Variants in FAAP100 observed in about 807,000 individuals in gnomAD.
The protein encoded by FAAP100 is Fanconi anemia core complex-associated protein 100.
FAAP100 carries 46 observed loss-of-function variants against 65.8 expected under a neutral mutation model. The observed-to-expected ratio is 0.70, with a 90% CI of 0.55 to 0.89. The LOEUF (loss-of-function observed/expected upper bound fraction) is 0.89. Among genes scored for constraint, FAAP100 ranks in the 40% least tolerant of loss-of-function variants. FAAP100 has a pLI of 0.00. For missense variants in FAAP100, 1,165 were observed against 1,196.7 expected (o/e 0.97, Z 0.39); for synonymous variants, 663 against 555.1 (o/e 1.19, Z -2.73).
chr17:81,544,458 T>G (rs1351557053), intron 6 of FAAP100, among the ~76,000 whole-genome samples: 1 of 152,310 alleles, frequency 6.6e-6, no homozygotes, highest in African/African-American at 2.4e-5. Context: ...ACACACCTTG[T>G]GGACAACCTA....
chr17:81,541,027 C>G, intron 8 of FAAP100, 77 bp from the exon 9 acceptor site: 8 of 1,451,618 alleles, frequency 5.5e-6, no homozygotes, highest in South Asian at 1.4e-5. Flanking sequence ...GGGGACCCAC[C>G]ACTCGCAGGA....
chr17:81,550,982 C>T lies in FAAP100; in HGVS notation c.512G>A (p.Gly171Asp). 1 of 1,611,928 alleles carries T rather than the reference C, an allele frequency of 6.2e-7. No homozygotes were observed. Among genetic ancestry groups the T allele is most frequent in the Non-Finnish European group, 8.5e-7 (1 of 1,179,504 alleles). The change falls in exon 3 of 9, where the codon GGT becomes GAT. Residue 171 changes from glycine (G) to aspartate (D), a missense_variant. Gly to Asp is a moderately conservative substitution (Grantham distance 94, BLOSUM62 -1). Coordinates refer to ENST00000327787, the MANE Select transcript of FAAP100 (RefSeq NM_025161.6). ...GEDPRPGGQI[G>D]EVELSSYTPP... Reference sequence around the variant, plus strand: ...CGTGTAGGAGGACAGCTCCACCTCACCGATCTGGCCTCCTGGCCGGGGGTC... The same window carrying T: ...CGTGTAGGAGGACAGCTCCACCTCATCGATCTGGCCTCCTGGCCGGGGGTC...
In FAAP100 at chr17:81,547,127, C is replaced by A; in HGVS notation, c.1955G>T (p.Cys652Phe). The A allele has an allele frequency of 6.5e-7, 1 of 1,530,194 alleles. No homozygotes were observed. Among genetic ancestry groups the A allele is most frequent in the Middle Eastern group, 1.8e-4 (1 of 5,644 alleles). The allele number at this position is 1,530,194 out of a possible 1,614,324, so 94.8% of individuals were successfully genotyped here. ...CGGGGCCAGGCCAGGGAAGCGCAGA[C>A]ACTGCAGCATGTCCACTGTGTGCCT... Reference protein sequence around the residue: ...LSRHTVDMLQCLRFPGLAPPH... With the variant: ...LSRHTVDMLQFLRFPGLAPPH... The change falls in exon 5 of 9, where the codon TGT becomes TTT. Residue 652 changes from cysteine (C) to phenylalanine (F), a missense_variant. Transcript: ENST00000327787.
rs2033040100 is a variant in FAAP100, at chr17:81,540,379, C to G, written c.*440G>C. ...CCACCCAGAGGGGCAGCCGGTGCTC[C>G]TGGTGGTGTGGCAGCAACAGTTACA... On this transcript the variant is annotated 3_prime_UTR_variant, in exon 9 of 9. Transcript: ENST00000327787. 5.0e-6 allele frequency: 2 copies of G among 401,716 alleles called. No homozygotes were observed. Among genetic ancestry groups the G allele is most frequent in the African/African-American group, 4.1e-5 (2 of 48,602 alleles). The allele number at this position is 401,716 out of a possible 1,614,324, so 24.9% of individuals were successfully genotyped here. A position where few individuals can be genotyped will look rare whatever the true frequency, so the allele number is the denominator to read the frequency against.
chr17:81,544,090 G>C lies in FAAP100; in HGVS notation c.2341C>G (p.Pro781Ala). The change falls in exon 7 of 9, where the codon CCC (proline) becomes GCC (alanine). Residue 781 changes from proline (P) to alanine (A), a missense_variant. By Grantham distance (27) the Pro-to-Ala change is conservative. Transcript: ENST00000327787. ...ACTTGAATCTCCACGGCCTGGATGG[G>C]CCCTGCTGGGCACAGGTCAGTCATG... is the stretch of plus-strand genomic sequence containing the variant. ...VAMTDLCPAG[P>A]IQAVEIQVES... 6.2e-7 allele frequency: 1 copy of C among 1,612,572 alleles called. No individual in the cohort carries two copies. The highest frequency in any genetic ancestry group is 1.1e-5 in the South Asian group (1 of 91,076).
upstream of FAAP100, chr17:81,552,492 C>G (rs2033536221): frequency 3.3e-6 from 2 of 602,104 alleles, no homozygotes; most frequent in South Asian, 7.9e-5. Flanking sequence ...ACTCCGGGAG[C>G]TGGGGCGGTC....
Position 81,541,411 on chromosome 17 carries a change from G to A in FAAP100, c.2428-16C>T, listed in dbSNP as rs771323163. The A allele has an allele frequency of 6.3e-7, 1 of 1,586,294 alleles. No individual in the cohort carries two copies. The highest frequency in any genetic ancestry group is 2.2e-5 in the East Asian group (1 of 44,686). ...TCACCATCGTCTGGGGGACACAGGA[G>A]ACATGCTGGAGAGGGTGTGCCCCAG... On this transcript the variant is annotated splice_polypyrimidine_tract_variant and intron_variant, in intron 7 of 8. Transcript: ENST00000327787.
intron 7 of FAAP100, among the ~76,000 whole-genome samples, chr17:81,541,881 A>G (rs2033107392): frequency 6.6e-6 from 1 of 152,120 alleles, no homozygotes; most frequent in African/African-American, 2.4e-5. Context: ...CTAAATTCCC[A>G]GATGGGACCA....
rs536487526 is a variant in FAAP100 at position 81,540,082 on chromosome 17, G to T, written c.*737C>A. Reference sequence around the variant, plus strand: ...GGGCTGGGGCTCAGGGCCCCCCCCCGGGCCACAGCGCCACCCTGAGTGGCC... The same window carrying T: ...GGGCTGGGGCTCAGGGCCCCCCCCCTGGCCACAGCGCCACCCTGAGTGGCC... On this transcript the variant is annotated 3_prime_UTR_variant, in exon 9 of 9. Transcript: ENST00000327787. 1.3e-4 allele frequency: 8 copies of T among 62,524 alleles called. No individual in the cohort carries two copies. The highest frequency in any genetic ancestry group is 3.1e-4 in the African/African-American group (4 of 12,918). 3.9% of individuals were successfully genotyped at this position (62,524 alleles called of 1,614,324 possible). A position where few individuals can be genotyped will look rare whatever the true frequency, so the allele number is the denominator to read the frequency against.
intron 7 of FAAP100, among the ~76,000 whole-genome samples, chr17:81,543,148 C>A (rs1229726107): frequency 6.6e-6 from 1 of 152,214 alleles, no homozygotes; most frequent in Non-Finnish European, 1.5e-5. Flanking sequence ...TCTGAGCCAC[C>A]TGCCAGGGCT....
chr17:81,545,618 C>G (rs1400535612), intron 6 of FAAP100, 128 bp downstream of exon 6: 1 of 1,297,998 alleles, frequency 7.7e-7, no homozygotes, highest in African/African-American at 1.5e-5. Flanking sequence ...TATCAGAGTC[C>G]TCCGGGAAGC....
In FAAP100 at chr17:81,551,999, G is replaced by C. The variant is rs1229409816; in HGVS notation, c.219C>G (p.Arg73=). The C allele has an allele frequency of 6.4e-7, 1 of 1,565,608 alleles. No individual in the cohort carries two copies. Among genetic ancestry groups the C allele is most frequent in the African/African-American group, 1.4e-5 (1 of 71,830 alleles). Residue 73 remains arginine, a synonymous_variant, in exon 2 of 9, where the codon CGC becomes CGG. Coordinates refer to ENST00000327787, the MANE Select transcript of FAAP100 (RefSeq NM_025161.6). ...GGGCGCACAGCGCGTACAGCAACCTGCGCGGCGCCAGCAGCTCCAGGTGCC... is the reference window on the plus strand; with the variant it reads ...GGGCGCACAGCGCGTACAGCAACCTCCGCGGCGCCAGCAGCTCCAGGTGCC... ...QVWHLELLAP[R]RLLYALCARR... is the part of the protein sequence containing the mutation.
At chr17:81,543,617 G>A (rs916975601) in intron 7 of FAAP100, among the ~76,000 whole-genome samples, 3 of 152,106 alleles carry the variant, frequency 2.0e-5, no homozygotes, top group Non-Finnish European at 2.9e-5. Context: ...CTACCACCTC[G>A]TTCTAGGATC....
At chr17:81,548,297 G>A (rs911916184) in intron 4 of FAAP100, 2 of 436,022 alleles carry the variant, frequency 4.6e-6, no homozygotes, top group African/African-American at 3.9e-5. Context: ...AGAGCAGGGA[G>A]GGTGAGGACT....
chr17:81,547,086 G>A lies in FAAP100; in HGVS notation c.1996C>T (p.Pro666Ser), dbSNP rs80199228. Residue 666 changes from proline to serine, a missense_variant, in exon 5 of 9, where the codon CCC becomes TCC. By Grantham distance (74) the Pro-to-Ser change is moderately conservative. Coordinates refer to ENST00000327787, the MANE Select transcript of FAAP100 (RefSeq NM_025161.6). ...PGLAPPHTRA[P>S]SPLGPTRDPV... ...TCTCGGGTGGGGCCGAGTGGGGAGG[G>A]GGCCCGTGTGTGTGGCGGGGCCAGG... The A allele has an allele frequency of 2.6e-6, 4 of 1,533,844 alleles. No individual in the cohort carries two copies. In the African/African-American group the frequency reaches 4.2e-5, roughly 16 times the overall value.
intron 6 of FAAP100, among the ~76,000 whole-genome samples, chr17:81,544,691 A>T (rs1024939960): frequency 1.3e-5 from 2 of 152,230 alleles, no homozygotes; most frequent in African/African-American, 4.8e-5. Flanking sequence ...CTTATTCTGC[A>T]CACACAGCAC....
intron 6 of FAAP100, among the ~76,000 whole-genome samples, 180 bp downstream of exon 6, chr17:81,545,566 C>A (rs938178478): frequency 2.0e-5 from 3 of 152,202 alleles, no homozygotes; most frequent in African/African-American, 7.2e-5. Context: ...CAAGGCCCTC[C>A]CTGCCTGAGT....
At chr17:81,548,256 CGGGA>C (rs1321773310) in intron 4 of FAAP100, 18 of 516,118 alleles carry the variant, frequency 3.5e-5, no homozygotes, top group Non-Finnish European at 5.9e-5. Flanking sequence ...GCCAGTGCTG[CGGGA>C]GGAAAAGCAC....
In FAAP100 at chr17:81,545,801, GAT is replaced by G; in HGVS notation, c.2253_2254del (p.Ser752PhefsTer8). On this transcript the variant is annotated frameshift_variant, in exon 6 of 9. Transcript: ENST00000327787. LOFTEE classifies it high-confidence loss of function. ...ATCAGGGGCCACTCCCTGGATGGAA[GAT>G]AGTGCTCGGGCCCTCACGACGTCCA... 1 of 1,612,334 alleles carries G rather than the reference GAT, an allele frequency of 6.2e-7. No homozygotes were observed. The highest frequency in any genetic ancestry group is 8.5e-7 in the Non-Finnish European group (1 of 1,179,884).
Sources: allele counts gnomAD v4.1 joint callset (sites outside exome capture counted in the v4.1 genomes callset), GRCh38; gene constraint gnomAD v4.1.1; transcripts MANE v1.5; gene names NCBI Gene and HGNC (gene_info 2026-07-23, HGNC 2026-07-21).